Variants in BCKDK observed in about 807,000 individuals in gnomAD.
BCKDK encodes the protein branched chain keto acid dehydrogenase kinase.
In BCKDK, 28 loss-of-function variants were observed where a neutral mutation model predicts 43.9. The observed-to-expected ratio is 0.64, with a 90% CI of 0.47 to 0.87. The LOEUF (loss-of-function observed/expected upper bound fraction) is 0.87. BCKDK is among the 40% of genes least tolerant of loss of function. BCKDK has a pLI of 0.00. For missense variants in BCKDK, 483 were observed against 581.4 expected (o/e 0.83, Z 1.74); for synonymous variants, 257 against 234.3 (o/e 1.10, Z -0.88).
chr16:31,109,423 G>A lies in BCKDK; in HGVS notation c.195+5G>A, dbSNP rs750633583. ...ATCGACGCGGCAGCGGAGAAGGTGC[G>A]CAAGGGGGCAGCCAGCCCAGGGTCC... On this transcript the variant is annotated splice_donor_5th_base_variant and intron_variant, in intron 2 of 11. Coordinates refer to ENST00000219794, the MANE Select transcript of BCKDK (RefSeq NM_005881.4). The surrounding 1 kb of genome is among the most constrained non-coding windows in gnomAD (Gnocchi z 5.3). The A allele has an allele frequency of 1.2e-6, 2 of 1,611,436 alleles. No homozygotes were observed. Among genetic ancestry groups the A allele is most frequent in the South Asian group, 1.1e-5 (1 of 90,906 alleles).
chr16:31,114,481 G>A (rs949256514), downstream of BCKDK, among the ~76,000 whole-genome samples: 7 of 152,076 alleles, frequency 4.6e-5, no homozygotes, highest in South Asian at 2.1e-4. Context: ...AAAGTGCCAG[G>A]ATTACAGGCA....
chr16:31,115,345 C>T (rs2057439621), downstream of BCKDK, among the ~76,000 whole-genome samples: 2 of 151,948 alleles, frequency 1.3e-5, no homozygotes, highest in East Asian at 1.9e-4. Context: ...GCCTCAGCCT[C>T]CCGAGTAGCT....
At position 31,111,103 on chromosome 16, in the gene BCKDK, G is replaced by A. The variant is rs763199028; in HGVS notation, c.729G>A (p.Glu243=). Residue 243 remains glutamate (E), a synonymous_variant, in exon 9 of 12, where the codon GAG becomes GAA. Transcript: ENST00000219794. ...KWVDFARRLC[E]HKYGNAPRVR... Reference sequence around the variant, plus strand: ...CTCCTATCCGCAGACGCCTGTGTGAGCACAAGTATGGCAATGCGCCCCGTG... The same window carrying A: ...CTCCTATCCGCAGACGCCTGTGTGAACACAAGTATGGCAATGCGCCCCGTG... 2 of 1,614,092 alleles carry A rather than the reference G, an allele frequency of 1.2e-6. No individual in the cohort carries two copies. The highest frequency in any genetic ancestry group is 8.5e-7 in the Non-Finnish European group (1 of 1,180,020).
chr16:31,109,806 T>G lies in BCKDK; in HGVS notation c.375+23T>G. The G allele has an allele frequency of 6.2e-7, 1 of 1,608,490 alleles. No homozygotes were observed. The highest frequency in any genetic ancestry group is 1.7e-4 in the Middle Eastern group (1 of 6,046). ...GTGGTAAGGTAGAGAGGACCTTAGG[T>G]CAGCGGGCCACCCTGCCCCGGGGGC... On this transcript the variant is annotated intron_variant, in intron 4 of 11. Transcript: ENST00000219794. This position sits in a 1 kb window ranked among gnomAD's most constrained non-coding sequence, Gnocchi z 5.3.
downstream of BCKDK, among the ~76,000 whole-genome samples, chr16:31,115,124 T>C (rs1443087349): frequency 5.9e-5 from 9 of 151,616 alleles, no homozygotes; most frequent in Admixed American, 5.3e-4. Context: ...GGTTTCACAA[T>C]GTGGGCCAAG....
At chr16:31,115,043 G>A (rs1302096004), downstream of BCKDK, among the ~76,000 whole-genome samples, 1 of 151,968 alleles carries the variant, frequency 6.6e-6, no homozygotes, top group African/African-American at 2.4e-5. Context: ...TCCTGCCTCA[G>A]CCTCCCAAGT....
In BCKDK at chr16:31,109,254, C is replaced by G. The variant is rs764651763; in HGVS notation, c.31C>G (p.Pro11Ala). The change falls in exon 2 of 12, where the codon CCC (proline) becomes GCC (alanine). Residue 11 changes from proline to alanine, a missense_variant. By Grantham distance (27) the Pro-to-Ala change is conservative. Coordinates refer to ENST00000219794, the MANE Select transcript of BCKDK (RefSeq NM_005881.4). This position sits in a 1 kb window ranked among gnomAD's most constrained non-coding sequence, Gnocchi z 5.3. MILASVLRSGPGGGLPLRPLL... is the reference protein window; with the variant it reads MILASVLRSGAGGGLPLRPLL... ...CCTGGCGTCGGTGCTGAGGAGCGGT[C>G]CCGGGGGCGGGCTTCCGCTCCGGCC... The G allele has an allele frequency of 1.3e-6, 2 of 1,546,360 alleles. No individual in the cohort carries two copies. Among genetic ancestry groups the G allele is most frequent in the Non-Finnish European group, 1.7e-6 (2 of 1,148,234 alleles).
chr16:31,111,886 G>C lies in BCKDK; in HGVS notation c.953G>C (p.Gly318Ala). The C allele has an allele frequency of 6.2e-7, 1 of 1,614,142 alleles. No homozygotes were observed. Among genetic ancestry groups the C allele is most frequent in the Non-Finnish European group, 8.5e-7 (1 of 1,180,018 alleles). The change falls in exon 11 of 12, where the codon GGA becomes GCA. Residue 318 changes from glycine (G) to alanine (A), a missense_variant. Transcript: ENST00000219794. ...CTTGCTAGGATCTCAGACCGTGGTG[G>C]AGGAATCGCTCACAAAGATCTGGAC... ...DLIIRISDRGGGIAHKDLDRV... is the reference protein window; with the variant it reads ...DLIIRISDRGAGIAHKDLDRV...
At position 31,110,093 on chromosome 16, in the gene BCKDK, G is replaced by C. The variant is rs561815533; in HGVS notation, c.392G>C (p.Arg131Pro). The change falls in exon 5 of 12, where the codon CGT becomes CCT. Residue 131 changes from arginine (R) to proline (P), a missense_variant. Transcript: ENST00000219794. The surrounding 1 kb of genome is among the most constrained non-coding windows in gnomAD (Gnocchi z 5.4). Reference sequence around the variant, plus strand: ...TCCTTGCAGCATGAGCTATATATCCGTGCCTTCCAGAAGCTGACAGACTTC... The same window carrying C: ...TCCTTGCAGCATGAGCTATATATCCCTGCCTTCCAGAAGCTGACAGACTTC... The part of the protein sequence containing the change: ...TILHVHELYI[R>P]AFQKLTDFPP... The C allele has an allele frequency of 3.7e-6, 6 of 1,614,122 alleles. No homozygotes were observed. Among genetic ancestry groups the C allele is most frequent in the African/African-American group, 1.3e-5 (1 of 75,012 alleles).
downstream of BCKDK, among the ~76,000 whole-genome samples, chr16:31,113,187 G>C (rs867646979): frequency 1.3e-5 from 2 of 152,236 alleles, no homozygotes; most frequent in Non-Finnish European, 2.9e-5. Context: ...CCTAAGGGCG[G>C]CCTGGTGGGG....
intron 10 of BCKDK, 63 bp downstream of exon 10, chr16:31,111,452 C>T (rs2057412004): frequency 1.3e-6 from 2 of 1,554,986 alleles, no homozygotes; most frequent in Non-Finnish European, 1.8e-6. Context: ...CTGTTTCTGA[C>T]TTGATTTAGG....
At position 31,109,950 on chromosome 16, in the gene BCKDK, G is replaced by A. The variant is rs572628932; in HGVS notation, c.376-127G>A. The A allele has an allele frequency of 8.4e-6, 12 of 1,431,464 alleles. No individual in the cohort carries two copies. In the Admixed American group the frequency reaches 1.7e-4, roughly 21 times the overall value. The allele number at this position is 1,431,464 out of a possible 1,614,324, so 88.7% of individuals were successfully genotyped here. Reference sequence around the variant, plus strand: ...AGGTGTGTATTCACGGAGCCTGGAAGGGTCGAAGTGGGGGTTTGATCACGT... The same window carrying A: ...AGGTGTGTATTCACGGAGCCTGGAAAGGTCGAAGTGGGGGTTTGATCACGT... On this transcript the variant is annotated intron_variant, in intron 4 of 11. Transcript: ENST00000219794. The surrounding 1 kb of genome is among the most constrained non-coding windows in gnomAD (Gnocchi z 5.3).
At position 31,109,183 on chromosome 16, in the gene BCKDK, C is replaced by T; in HGVS notation, c.-41C>T. On this transcript the variant is annotated 5_prime_UTR_variant, in exon 2 of 12. Coordinates refer to ENST00000219794, the MANE Select transcript of BCKDK (RefSeq NM_005881.4). The surrounding 1 kb of genome is among the most constrained non-coding windows in gnomAD (Gnocchi z 5.3). ...GCCTGGGTCCTCAGTCCTAGCGGAT[C>T]CTCAGTCCTAGCGGCCACCGGGTCT... 2.1e-6 allele frequency: 3 copies of T among 1,461,716 alleles called. No individual in the cohort carries two copies. The highest frequency in any genetic ancestry group is 2.7e-6 in the Non-Finnish European group (3 of 1,109,298). The allele number at this position is 1,461,716 out of a possible 1,614,324, so 90.5% of individuals were successfully genotyped here.
downstream of BCKDK, among the ~76,000 whole-genome samples, chr16:31,114,875 C>G (rs921925507): frequency 6.6e-5 from 10 of 152,098 alleles, no homozygotes; most frequent in Non-Finnish European, 1.0e-4. Context: ...GTTCTGCATC[C>G]TTACAATATT....
rs774555802 is a variant in BCKDK at position 31,109,209 on chromosome 16, G to A, written c.-15G>A. Reference sequence around the variant, plus strand: ...CTCAGTCCTAGCGGCCACCGGGTCTGAAAGGAGCAAGACGATGATCCTGGC... The same window carrying A: ...CTCAGTCCTAGCGGCCACCGGGTCTAAAAGGAGCAAGACGATGATCCTGGC... On this transcript the variant is annotated 5_prime_UTR_variant, in exon 2 of 12. Coordinates refer to ENST00000219794, the MANE Select transcript of BCKDK (RefSeq NM_005881.4). The surrounding 1 kb of genome is among the most constrained non-coding windows in gnomAD (Gnocchi z 5.3). 3.3e-6 allele frequency: 5 copies of A among 1,502,438 alleles called. No individual in the cohort carries two copies. The South Asian group carries it at 6.7e-5, about 20-fold the overall frequency. 93.1% of individuals were successfully genotyped at this position (1,502,438 alleles called of 1,614,324 possible).
chr16:31,113,049 G>A (rs141029558), downstream of BCKDK, among the ~76,000 whole-genome samples: 1 of 152,362 alleles, frequency 6.6e-6, no homozygotes. Flanking sequence ...AAGGAAAGGT[G>A]GGGCCCTGAT....
At position 31,110,659 on chromosome 16, in the gene BCKDK, G is replaced by C; in HGVS notation, c.643-29G>C. On this transcript the variant is annotated intron_variant, in intron 7 of 11. Coordinates refer to ENST00000219794, the MANE Select transcript of BCKDK (RefSeq NM_005881.4). The surrounding 1 kb of genome is among the most constrained non-coding windows in gnomAD (Gnocchi z 5.4). Reference sequence around the variant, plus strand: ...ATCTTGGGGTGGGGCTAGGGGCGTGGGTAGTCCTGACCTCCTTTCTCCGGC... The same window carrying C: ...ATCTTGGGGTGGGGCTAGGGGCGTGCGTAGTCCTGACCTCCTTTCTCCGGC... 6.2e-7 allele frequency: 1 copy of C among 1,611,936 alleles called. No homozygotes were observed. Among genetic ancestry groups the C allele is most frequent in the Non-Finnish European group, 8.5e-7 (1 of 1,178,106 alleles).
rs141506795 is a variant in BCKDK, at chr16:31,111,418, G to A, written c.935+29G>A. ...TGCCCTGAGTGGGAGTTGAGCTGAG[G>A]TGGATGGGATGGGGGTCTAGGCACT... On this transcript the variant is annotated intron_variant, in intron 10 of 11. Transcript: ENST00000219794. 2.0e-4 allele frequency: 322 copies of A among 1,606,344 alleles called. 1 individual carries two copies. In the African/African-American group the frequency reaches 3.7e-3, roughly 19 times the overall value.
downstream of BCKDK, among the ~76,000 whole-genome samples, chr16:31,116,566 T>G (rs576075121): frequency 1.4e-4 from 21 of 152,114 alleles, no homozygotes; most frequent in South Asian, 2.1e-4. Flanking sequence ...ACACCCGTTC[T>G]GCTTTCCCCG....
Sources: allele counts gnomAD v4.1 joint callset (sites outside exome capture counted in the v4.1 genomes callset), GRCh38; gene constraint gnomAD v4.1.1; non-coding constraint Gnocchi (gnomAD v3.1); transcripts MANE v1.5; gene names NCBI Gene and HGNC (gene_info 2026-07-23, HGNC 2026-07-21).